The following CBFB variants were observed in gnomAD, a reference collection of about 807,000 sequenced individuals.
CBFB encodes the protein core-binding factor subunit beta, also known as CBF-beta.
In CBFB, 9 loss-of-function variants were observed where a neutral mutation model predicts 30.4. That is an observed-to-expected ratio of 0.30 (90% CI 0.18 to 0.52). CBFB has a LOEUF of 0.52. Ranked by LOEUF, CBFB falls within the 20% of genes least tolerant of loss-of-function variation. CBFB has a pLI of 0.97. For missense variants in CBFB, 170 were observed against 244.0 expected (o/e 0.70, Z 2.02); for synonymous variants, 94 against 84.0 (o/e 1.12, Z -0.65).
intron 2 of CBFB, among the ~76,000 whole-genome samples, chr16:67,032,094 A>G (rs1196395092): frequency 6.6e-6 from 1 of 152,204 alleles, no homozygotes; most frequent in Non-Finnish European, 1.5e-5. Flanking sequence ...GACTTTGCTG[A>G]ATGGAATTAT....
intron 3 of CBFB, among the ~76,000 whole-genome samples, chr16:67,058,967 G>T (rs1323010518): frequency 6.6e-6 from 1 of 152,172 alleles, no homozygotes; most frequent in African/African-American, 2.4e-5. Flanking sequence ...TGATGTGCAT[G>T]GGGGTCTTGT....
chr16:67,075,908 G>A (rs150450249), intron 4 of CBFB, among the ~76,000 whole-genome samples: 3 of 152,074 alleles, frequency 2.0e-5, no homozygotes, highest in South Asian at 2.1e-4. Context: ...GCCAGGAGTT[G>A]AAGAGCCTGA....
chr16:67,044,545 T>C (rs1966589961), intron 3 of CBFB, among the ~76,000 whole-genome samples: 2 of 152,226 alleles, frequency 1.3e-5, no homozygotes, highest in Admixed American at 6.5e-5. Flanking sequence ...TTCTGGACTT[T>C]ATACTTAAAA....
At chr16:67,080,267 T>C (rs79425595) in intron 4 of CBFB, among the ~76,000 whole-genome samples, 3,174 of 148,646 alleles carry the variant, frequency 0.021, 102 homozygotes, top group African/African-American at 0.073. Context: ...AGTGACCAAA[T>C]GGAAGCAAGG....
At chr16:67,046,056 A>G (rs1007056043) in intron 3 of CBFB, among the ~76,000 whole-genome samples, 3 of 151,952 alleles carry the variant, frequency 2.0e-5, no homozygotes, top group Non-Finnish European at 4.4e-5. Context: ...TTGGCCTCCC[A>G]AAGTGTTGGG....
chr16:67,032,082 C>T (rs1004336609), intron 2 of CBFB, among the ~76,000 whole-genome samples: 4 of 152,156 alleles, frequency 2.6e-5, no homozygotes, highest in African/African-American at 2.4e-5. Flanking sequence ...TCTGTCATCT[C>T]AGACTTTGCT....
At chr16:67,085,673 CT>C (rs764788080) in intron 5 of CBFB, among the ~76,000 whole-genome samples, 1,343 of 115,446 alleles carry the variant, frequency 0.012, 2 homozygotes, top group African/African-American at 0.029. Context: ...AATTTAGTAT[CT>C]TTTTTTTTTT....
At chr16:67,088,850 T>TCGTG (rs1240901053) in intron 5 of CBFB, among the ~76,000 whole-genome samples, 17 of 152,312 alleles carry the variant, frequency 1.1e-4, no homozygotes, top group South Asian at 2.1e-4. Context: ...ACAGTGGTGC[T>TCGTG]CGTGAGTATT....
At chr16:67,049,084 G>A (rs1183021560) in intron 3 of CBFB, among the ~76,000 whole-genome samples, 2 of 151,890 alleles carry the variant, frequency 1.3e-5, no homozygotes, top group Non-Finnish European at 2.9e-5. Context: ...GCCTCATAAA[G>A]TGCTGGGATT....
intron 5 of CBFB, among the ~76,000 whole-genome samples, chr16:67,083,618 T>A (rs1961633106): frequency 6.6e-6 from 1 of 152,100 alleles, no homozygotes; most frequent in Non-Finnish European, 1.5e-5. Context: ...GTTTTTATAG[T>A]TAATTTATGT....
intron 3 of CBFB, among the ~76,000 whole-genome samples, chr16:67,050,202 TTA>T (rs1316818778): frequency 6.8e-5 from 10 of 147,914 alleles, no homozygotes; most frequent in South Asian, 2.1e-4. Flanking sequence ...ATAATATATG[TTA>T]TATATATAAT....
intron 5 of CBFB, among the ~76,000 whole-genome samples, chr16:67,090,478 A>T (rs367741589): frequency 6.6e-6 from 1 of 152,156 alleles, no homozygotes; most frequent in Non-Finnish European, 1.5e-5. Context: ...AACTAATTCA[A>T]ATGTCTTTTG....
chr16:67,075,468 G>A (rs1213110433), intron 4 of CBFB, among the ~76,000 whole-genome samples: 4 of 152,068 alleles, frequency 2.6e-5, no homozygotes, highest in Non-Finnish European at 5.9e-5. Flanking sequence ...CAAGAATGTA[G>A]AGCAGCAGTT....
At chr16:67,076,085 C>T (rs1961387076) in intron 4 of CBFB, among the ~76,000 whole-genome samples, 2 of 152,122 alleles carry the variant, frequency 1.3e-5, no homozygotes, top group Non-Finnish European at 2.9e-5. Context: ...CAAAAATTAG[C>T]TAGGTATGGT....
chr16:67,057,061 C>T, intron 3 of CBFB, among the ~76,000 whole-genome samples: 1 of 151,846 alleles, frequency 6.6e-6, no homozygotes, highest in Non-Finnish European at 1.5e-5. Flanking sequence ...TGGCTCACTG[C>T]AACCTTTGCC....
chr16:67,029,611 C>T (rs894402310), intron 1 of CBFB, 116 bp from the exon 2 acceptor site: 22 of 1,312,266 alleles, frequency 1.7e-5, no homozygotes, highest in Middle Eastern at 2.1e-4. Flanking sequence ...GCAATCTCGC[C>T]GGGGCGGCCA....
At chr16:67,087,514 C>T (rs930052190) in intron 5 of CBFB, among the ~76,000 whole-genome samples, 9 of 152,048 alleles carry the variant, frequency 5.9e-5, no homozygotes, top group African/African-American at 1.9e-4. Context: ...ATGATTGTGA[C>T]ACTGCACTCC....
At chr16:67,079,929 T>A (rs1406809107) in intron 4 of CBFB, among the ~76,000 whole-genome samples, 6 of 152,136 alleles carry the variant, frequency 3.9e-5, no homozygotes, top group Admixed American at 3.9e-4. Flanking sequence ...GGCAAATCAC[T>A]TGAGGTCAGG....
chr16:67,064,866 T>C (rs1961009323), intron 3 of CBFB, among the ~76,000 whole-genome samples: 1 of 152,202 alleles, frequency 6.6e-6, no homozygotes, highest in South Asian at 2.1e-4. Flanking sequence ...GAAAAGTTAA[T>C]AAAAGTGTAA....
Sources: allele counts gnomAD v4.1 joint callset (sites outside exome capture counted in the v4.1 genomes callset), GRCh38; gene constraint gnomAD v4.1.1; transcripts MANE v1.5; gene names NCBI Gene and HGNC (gene_info 2026-07-23, HGNC 2026-07-21).